Variants in FBXW11 observed in about 807,000 individuals in gnomAD.
The protein encoded by FBXW11 is F-box and WD repeat domain containing 11.
In FBXW11, 19 loss-of-function variants were observed where a neutral mutation model predicts 77.6. The ratio of observed to expected loss-of-function variants is 0.24; its 90% CI spans 0.17 to 0.36. The LOEUF (loss-of-function observed/expected upper bound fraction) is 0.36, where lower values mean the gene tolerates loss of function less well. FBXW11 is among the 10% of genes least tolerant of loss of function. The pLI is 1.00. For synonymous variants in FBXW11, 235 were observed against 249.4 expected (o/e 0.94, Z 0.54); for missense variants, 334 against 704.2 (o/e 0.47, Z 5.95).
At chr5:171,995,136 G>A (rs1313308266) in intron 1 of FBXW11, among the ~76,000 whole-genome samples, 5 of 152,050 alleles carry the variant, frequency 3.3e-5, no homozygotes, top group Admixed American at 6.5e-5. Flanking sequence ...ATTAAATACC[G>A]AAAAAAGTCA....
At chr5:171,895,867 C>T (rs575442552) in intron 6 of FBXW11, among the ~76,000 whole-genome samples, 46 of 152,350 alleles carry the variant, frequency 3.0e-4, no homozygotes, top group African/African-American at 1.1e-3. Context: ...GAGAATATGG[C>T]TGCTTCTTTT....
chr5:171,907,692 C>T (rs968209933), intron 4 of FBXW11, among the ~76,000 whole-genome samples: 5 of 152,202 alleles, frequency 3.3e-5, no homozygotes, highest in African/African-American at 1.2e-4. Context: ...CCATTCATTT[C>T]ATGTAATATT....
At position 171,904,636 on chromosome 5, in the gene FBXW11, A is replaced by G. The variant is rs1760354409; in HGVS notation, c.437-4536T>C. 6.6e-6 allele frequency among the ~76,000 whole-genome samples: 1 copy of G among 151,996 alleles called. No homozygotes were observed. Among genetic ancestry groups the G allele is most frequent in the African/African-American group, 2.4e-5 (1 of 41,356 alleles). ...CGCCAGTATGGAGTGCAGTGGTGGG[A>G]TCTCAGCTCACTGCAACCTCCACCT... is the stretch of plus-strand genomic sequence containing the variant. On this transcript the variant is annotated intron_variant, in intron 4 of 13. Transcript: ENST00000517395. The surrounding 1 kb of genome is among the most constrained non-coding windows in gnomAD (Gnocchi z 4.0).
intron 2 of FBXW11, among the ~76,000 whole-genome samples, chr5:171,952,581 T>C (rs181597924): frequency 0.021 from 3,090 of 146,534 alleles, 108 homozygotes; most frequent in African/African-American, 0.073. Context: ...GCCTCCCAAG[T>C]AGCTAGGATT....
At chr5:171,883,109 G>A (rs1253543697) in intron 7 of FBXW11, among the ~76,000 whole-genome samples, 2 of 152,166 alleles carry the variant, frequency 1.3e-5, no homozygotes. Context: ...CGCAAATGCT[G>A]TTAATTCATT....
At chr5:171,880,757 C>T (rs566164477) in intron 7 of FBXW11, among the ~76,000 whole-genome samples, 8 of 152,252 alleles carry the variant, frequency 5.3e-5, no homozygotes, top group African/African-American at 1.9e-4. Context: ...AGTGCAATGG[C>T]GCGATCTCGG....
At chr5:171,915,451 T>C (rs1039811595) in intron 2 of FBXW11, among the ~76,000 whole-genome samples, 1 of 152,150 alleles carries the variant, frequency 6.6e-6, no homozygotes, top group Admixed American at 6.6e-5. Context: ...AACAATCCAT[T>C]TGAAAATACC....
At chr5:171,930,840 G>A (rs1581217922) in intron 2 of FBXW11, among the ~76,000 whole-genome samples, 2 of 149,162 alleles carry the variant, frequency 1.3e-5, no homozygotes, top group East Asian at 3.9e-4. Flanking sequence ...CAGATCTGCA[G>A]TATACACAGT....
intron 10 of FBXW11, among the ~76,000 whole-genome samples, chr5:171,871,322 T>C (rs1296829692): frequency 2.0e-5 from 3 of 152,122 alleles, no homozygotes; most frequent in African/African-American, 7.3e-5. Context: ...AGATATCACG[T>C]ACAGCCAGGG....
intron 2 of FBXW11, among the ~76,000 whole-genome samples, chr5:171,927,263 A>G (rs571637081): frequency 3.2e-4 from 48 of 152,250 alleles, no homozygotes; most frequent in Non-Finnish European, 6.5e-4. Flanking sequence ...ATGATGCATC[A>G]CTGGACTACA....
At chr5:171,882,308 G>A (rs929134160) in intron 7 of FBXW11, among the ~76,000 whole-genome samples, 11 of 152,050 alleles carry the variant, frequency 7.2e-5, no homozygotes, top group South Asian at 2.1e-4. Flanking sequence ...CACACACAGC[G>A]AAGGAGGAGG....
chr5:171,891,988 C>T (rs558014211), intron 6 of FBXW11, among the ~76,000 whole-genome samples: 2 of 152,298 alleles, frequency 1.3e-5, no homozygotes, highest in South Asian at 4.1e-4. Flanking sequence ...TGACAATCTA[C>T]ATATCCAAAC....
At chr5:171,946,030 A>T (rs1485897118) in intron 2 of FBXW11, among the ~76,000 whole-genome samples, 1 of 152,190 alleles carries the variant, frequency 6.6e-6, no homozygotes, top group African/African-American at 2.4e-5. Context: ...AACATTTACA[A>T]TCAGTAGACT....
chr5:171,917,571 A>G (rs959884180), intron 2 of FBXW11, among the ~76,000 whole-genome samples: 3 of 152,198 alleles, frequency 2.0e-5, no homozygotes, highest in Non-Finnish European at 4.4e-5. Flanking sequence ...CTCCCATCCT[A>G]CATACTTTTC....
rs1763387102 is a variant in FBXW11 at position 171,952,445 on chromosome 5, ATATTTTTTT to A, written c.147+5143_147+5151del. Among the ~76,000 whole-genome samples, 6 of 9,596 alleles carry A rather than the reference ATATTTTTTT, an allele frequency of 6.3e-4. 1 individual carries two copies. In the East Asian group the frequency reaches 0.053, roughly 85 times the overall value. 6.3% of individuals were successfully genotyped at this position (9,596 alleles called of 152,430 possible). On this transcript the variant is annotated intron_variant, in intron 2 of 13. Coordinates refer to ENST00000517395, the MANE Select transcript of FBXW11 (RefSeq NM_001378974.1). ...TACATATATATATATATATATATAT[ATATTTTTTT>A]TTTTTTTTTTTTTTTTGAGACGGAG... is the stretch of plus-strand genomic sequence containing the variant.
chr5:171,890,158 A>G (rs890787730), intron 7 of FBXW11, among the ~76,000 whole-genome samples: 99 of 152,128 alleles, frequency 6.5e-4, no homozygotes, highest in African/African-American at 2.1e-3. Flanking sequence ...AAAATGAGGT[A>G]TGTTCACATA....
rs772622864 is a variant in FBXW11 at position 171,899,046 on chromosome 5, T to G, written c.672A>C (p.Ser224=). The change falls in exon 6 of 14, where the codon TCA becomes TCC. Residue 224 remains serine, a synonymous_variant. Transcript: ENST00000517395. Reference sequence around the variant, plus strand: ...TCTTTGGGTATAATGACCTATAAAATGAATTTGGAGGGCCATCTGTGGGTC... The same window carrying G: ...TCTTTGGGTATAATGACCTATAAAAGGAATTTGGAGGGCCATCTGTGGGTC... The part of the protein sequence containing the change: ...KNRPTDGPPN[S]FYRSLYPKII... 8.1e-6 allele frequency: 13 copies of G among 1,609,328 alleles called. No individual in the cohort carries two copies. Among genetic ancestry groups the G allele is most frequent in the Non-Finnish European group, 1.1e-5 (13 of 1,178,272 alleles).
At chr5:171,877,181 G>C (rs1359868144) in intron 8 of FBXW11, among the ~76,000 whole-genome samples, 1 of 152,132 alleles carries the variant, frequency 6.6e-6, no homozygotes, top group Non-Finnish European at 1.5e-5. Flanking sequence ...TTAGCAGTCA[G>C]GTATTTAGGG....
At position 171,862,253 on chromosome 5, in the gene FBXW11, T is replaced by C. The variant is rs1446397779; in HGVS notation, c.*1874A>G. 1 of 152,658 alleles carries C rather than the reference T, an allele frequency of 6.6e-6. No individual in the cohort carries two copies. The highest frequency in any genetic ancestry group is 1.5e-5 in the Non-Finnish European group (1 of 68,038). The allele number at this position is 152,658 out of a possible 1,614,324, so 9.5% of individuals were successfully genotyped here. Reference sequence around the variant, plus strand: ...CAACATCCACCTTATGAATGGAGGTTTATTGTTTACACTTTGAGACTCAAC... The same window carrying C: ...CAACATCCACCTTATGAATGGAGGTCTATTGTTTACACTTTGAGACTCAAC... On this transcript the variant is annotated 3_prime_UTR_variant, in exon 14 of 14. Coordinates refer to ENST00000517395, the MANE Select transcript of FBXW11 (RefSeq NM_001378974.1).
Sources: allele counts gnomAD v4.1 joint callset (sites outside exome capture counted in the v4.1 genomes callset), GRCh38; gene constraint gnomAD v4.1.1; non-coding constraint Gnocchi (gnomAD v3.1); transcripts MANE v1.5; gene names NCBI Gene and HGNC (gene_info 2026-07-23, HGNC 2026-07-21).